Variants in BASP1 observed in about 807,000 individuals in gnomAD.
BASP1 encodes the protein brain abundant membrane attached signal protein 1, also known as brain acid soluble protein 1.
In BASP1, 1 loss-of-function variant was observed where a neutral mutation model predicts 2.2. The observed-to-expected ratio is 0.46, with a 90% CI of 0.16 to 2.17. The LOEUF is 2.17. BASP1 is among the 30% of genes most tolerant of loss of function. The pLI is 0.27. For synonymous variants in BASP1, 187 were observed against 154.2 expected (o/e 1.21, Z -1.58); for missense variants, 352 against 327.2 (o/e 1.08, Z -0.58).
chr5:17,225,903 AGTC>A (rs1739493430), intron 1 of BASP1, among the ~76,000 whole-genome samples: 1 of 152,264 alleles, frequency 6.6e-6, no homozygotes, highest in Admixed American at 6.5e-5. Flanking sequence ...ATTCTGAAGT[AGTC>A]CTTAAAATAT....
At chr5:17,217,049 A>T, upstream of BASP1, 1 of 126,882 alleles carries the variant, frequency 7.9e-6, no homozygotes. Context: ...CAAATAAATG[A>T]GGGGGAGAGA....
intron 1 of BASP1, among the ~76,000 whole-genome samples, chr5:17,232,531 TG>T (rs1350366004): frequency 6.6e-6 from 1 of 152,232 alleles, no homozygotes; most frequent in Non-Finnish European, 1.5e-5. Flanking sequence ...CATCTTTGGA[TG>T]TCAGTTTCTA....
At chr5:17,228,165 C>T (rs1739557293) in intron 1 of BASP1, among the ~76,000 whole-genome samples, 1 of 152,180 alleles carries the variant, frequency 6.6e-6, no homozygotes, top group Non-Finnish European at 1.5e-5. Flanking sequence ...AAAAACAGGA[C>T]ATAAGTGGCT....
At chr5:17,217,106 G>A (rs1419479179), upstream of BASP1, 1 of 144,040 alleles carries the variant, frequency 6.9e-6, no homozygotes, top group Non-Finnish European at 1.5e-5. Flanking sequence ...GTGAGTGAGA[G>A]AGTGAGAGAG....
chr5:17,275,087 A>C lies in BASP1; in HGVS notation c.-9-121A>C, dbSNP rs1013926002. The C allele has an allele frequency of 2.5e-6, 2 of 800,532 alleles. No individual in the cohort carries two copies. Among genetic ancestry groups the C allele is most frequent in the Non-Finnish European group, 4.0e-6 (2 of 498,986 alleles). 49.6% of individuals were successfully genotyped at this position (800,532 alleles called of 1,614,324 possible). A position where few individuals can be genotyped will look rare whatever the true frequency, so the allele number is the denominator to read the frequency against. On this transcript the variant is annotated intron_variant, in intron 1 of 1. Coordinates refer to ENST00000322611, the MANE Select transcript of BASP1 (RefSeq NM_006317.5). The surrounding 1 kb of genome is among the most constrained non-coding windows in gnomAD (Gnocchi z 5.3). ...GTGCCTAACTATAGTTTACCATGCC[A>C]CCCCTTTGGGGTGTGCAGTGCAGCA...
rs1025216824 is a variant in BASP1, at chr5:17,234,339, T to C, written c.-10+16529T>C. Among the ~76,000 whole-genome samples, 8 of 152,156 alleles carry C rather than the reference T, an allele frequency of 5.3e-5. No individual in the cohort carries two copies. In the South Asian group the frequency reaches 1.7e-3, roughly 32 times the overall value. On this transcript the variant is annotated intron_variant, in intron 1 of 1. Coordinates refer to ENST00000322611, the MANE Select transcript of BASP1 (RefSeq NM_006317.5). The stretch of plus-strand genomic sequence containing the variant: ...CCTGCTCTATAAATATGTTATTGGA[T>C]TGGATGAGCAAGATATACACTTACA...
Position 17,245,731 on chromosome 5 carries a change from C to T in BASP1, c.-10+27921C>T, listed in dbSNP as rs182822409. Among the ~76,000 whole-genome samples the T allele has an allele frequency of 3.6e-3, 537 of 150,988 alleles. 3 individuals carry two copies. Among genetic ancestry groups the T allele is most frequent in the Non-Finnish European group, 5.2e-3 (352 of 67,856 alleles). On this transcript the variant is annotated intron_variant, in intron 1 of 1. Transcript: ENST00000322611. ...AACAAAAACTTACAGAGAAAAATTG[C>T]TGGAGTGGCTGAAGGAAAAATGGAG...
At chr5:17,244,520 T>C (rs1739937357) in intron 1 of BASP1, among the ~76,000 whole-genome samples, 1 of 151,958 alleles carries the variant, frequency 6.6e-6, no homozygotes, top group African/African-American at 2.4e-5. Flanking sequence ...AACTCTGCAT[T>C]TTAGGGGTGA....
intron 1 of BASP1, among the ~76,000 whole-genome samples, chr5:17,242,358 C>T (rs2962354): frequency 0.3 from 45,729 of 151,880 alleles, 7,063 homozygotes; most frequent in East Asian, 0.42. Flanking sequence ...CATGTTCACA[C>T]GAAATTGAGT....
In BASP1 at chr5:17,246,696, A is replaced by T. The variant is rs541218565; in HGVS notation, c.-9-28512A>T. Among the ~76,000 whole-genome samples the T allele has an allele frequency of 6.6e-5, 10 of 152,336 alleles. No homozygotes were observed. In the South Asian group the frequency reaches 2.1e-3, roughly 32 times the overall value. ...TGTGACTAGATGCAGGCTTCTTAGG[A>T]TATTTGTAACTTGAAGAAATCTGGA... On this transcript the variant is annotated intron_variant, in intron 1 of 1. Transcript: ENST00000322611.
chr5:17,270,836 TA>T (rs1189386841), intron 1 of BASP1, among the ~76,000 whole-genome samples: 7 of 152,188 alleles, frequency 4.6e-5, no homozygotes, highest in African/African-American at 1.7e-4. Context: ...AATTGACATT[TA>T]AAAAAATTTT....
chr5:17,242,723 A>G (rs780775874), intron 1 of BASP1, among the ~76,000 whole-genome samples: 8 of 152,102 alleles, frequency 5.3e-5, no homozygotes, highest in Non-Finnish European at 5.9e-5. Context: ...AAGTATCTGT[A>G]ATGCTTTGTG....
chr5:17,267,373 G>A (rs1335764424), intron 1 of BASP1, among the ~76,000 whole-genome samples: 1 of 152,142 alleles, frequency 6.6e-6, no homozygotes, highest in Non-Finnish European at 1.5e-5. Context: ...TCTTCAGTGA[G>A]CCATTCCATC....
Sources: allele counts gnomAD v4.1 joint callset (sites outside exome capture counted in the v4.1 genomes callset), GRCh38; gene constraint gnomAD v4.1.1; non-coding constraint Gnocchi (gnomAD v3.1); transcripts MANE v1.5; gene names NCBI Gene and HGNC (gene_info 2026-07-23, HGNC 2026-07-21).